The following CCNL2 variants were observed in gnomAD, a reference collection of about 807,000 sequenced individuals.
The protein encoded by CCNL2 is cyclin-L2.
CCNL2 carries 28 observed loss-of-function variants against 59.1 expected under a neutral mutation model. The ratio of observed to expected loss-of-function variants is 0.47; its 90% CI spans 0.35 to 0.65. The LOEUF (loss-of-function observed/expected upper bound fraction) is 0.65, where lower values mean the gene tolerates loss of function less well. Among genes scored for constraint, CCNL2 ranks in the 30% least tolerant of loss-of-function variants. The probability of loss-of-function intolerance (pLI) is 0.00; values close to 1 mark genes in which losing one functional copy is unlikely to be tolerated. For missense variants in CCNL2, 714 were observed against 717.4 expected (o/e 1.00, Z 0.05); for synonymous variants, 342 against 288.6 (o/e 1.19, Z -1.88).
chr1:1,387,535 C>T lies in CCNL2; in HGVS notation c.1259G>A (p.Arg420His). ...STSGGSKSQS[R>H]SRSRSDSPPR... is the part of the protein sequence containing the mutation. ...TGGGGAGTCACTCCTGCTCCGGGAG[C>T]GGCTCTGCGACTTGGACCCACCAGA... is the stretch of plus-strand genomic sequence containing the variant. Residue 420 changes from arginine to histidine, a missense_variant, in exon 11 of 11, where the codon CGC becomes CAC. By Grantham distance (29) the Arg-to-His change is conservative. Transcript: ENST00000400809. 2.6e-6 allele frequency: 4 copies of T among 1,541,664 alleles called. No homozygotes were observed. Among genetic ancestry groups the T allele is most frequent in the Non-Finnish European group, 2.6e-6 (3 of 1,147,392 alleles).
chr1:1,387,136 C>CCCGGGGGTCAAAGGGCAGCCA lies in CCNL2; in HGVS notation c.*74_*94dup. On this transcript the variant is annotated 3_prime_UTR_variant, in exon 11 of 11. Transcript: ENST00000400809. ...TAGGACCACTTGCGCTGAGAGCACACCCGGGGGTCAAAGGGCAGCCACCGG... is the reference window on the plus strand; with the variant it reads ...TAGGACCACTTGCGCTGAGAGCACACCCGGGGGTCAAAGGGCAGCCACCGGGGGTCAAAGGGCAGCCACCGG... The CCCGGGGGTCAAAGGGCAGCCA allele has an allele frequency of 2.1e-6, 2 of 957,786 alleles. No individual in the cohort carries two copies. The highest frequency in any genetic ancestry group is 3.2e-6 in the Non-Finnish European group (2 of 629,898). 59.3% of individuals were successfully genotyped at this position (957,786 alleles called of 1,614,324 possible). A position where few individuals can be genotyped will look rare whatever the true frequency, so the allele number is the denominator to read the frequency against.
rs1409149843 is a variant in CCNL2 at position 1,387,104 on chromosome 1, C to G, written c.*127G>C. On this transcript the variant is annotated 3_prime_UTR_variant, in exon 11 of 11. Transcript: ENST00000400809. ...GTCGACAGACATTTCCAAAAAGAATCCTGTTCTAGGACCACTTGCGCTGAG... is the reference window on the plus strand; with the variant it reads ...GTCGACAGACATTTCCAAAAAGAATGCTGTTCTAGGACCACTTGCGCTGAG... The G allele has an allele frequency of 4.4e-6, 3 of 679,494 alleles. No homozygotes were observed. The highest frequency in any genetic ancestry group is 4.9e-6 in the Non-Finnish European group (2 of 408,534). 42.1% of individuals were successfully genotyped at this position (679,494 alleles called of 1,614,324 possible). A position where few individuals can be genotyped will look rare whatever the true frequency, so the allele number is the denominator to read the frequency against.
chr1:1,387,901 A>C, intron 9 of CCNL2, 32 bp from the exon 10 acceptor site: 1 of 1,613,758 alleles, frequency 6.2e-7, no homozygotes, highest in Non-Finnish European at 8.5e-7. Flanking sequence ...GTTACAAAGC[A>C]GAAGTCCCTC....
intron 5 of CCNL2, chr1:1,392,758 T>C: frequency 6.2e-7 from 1 of 1,610,266 alleles, no homozygotes; most frequent in Non-Finnish European, 8.5e-7. Context: ...CCAAAGCGCT[T>C]GGACAGCAGA....
intron 4 of CCNL2, among the ~76,000 whole-genome samples, chr1:1,393,700 G>A (rs189640372): frequency 3.3e-4 from 50 of 152,360 alleles, no homozygotes; most frequent in African/African-American, 1.1e-3. Flanking sequence ...CACAGGCCTC[G>A]TTCTTCATGG....
Position 1,390,344 on chromosome 1 carries a change from C to T in CCNL2, c.892G>A (p.Val298Met). 1 of 1,613,954 alleles carries T rather than the reference C, an allele frequency of 6.2e-7. No homozygotes were observed. Residue 298 changes from valine (V) to methionine (M), a missense_variant, in exon 8 of 11, where the codon GTG (valine) becomes ATG (methionine). By Grantham distance (21) the Val-to-Met change is conservative. This residue lies in a region of CCNL2 where 403 missense variants were observed against 377.7 expected (regional missense o/e 1.07). Transcript: ENST00000400809. Reference protein sequence around the residue: ...KVDLTHLEGEVEKRKHAIEEA... With the variant: ...KVDLTHLEGEMEKRKHAIEEA... ...TCGATAGCGTGCTTTCTTTTTTCCA[C>T]TTCACCCTCCAGGTGTGTGAGATCA... is the stretch of plus-strand genomic sequence containing the variant.
Position 1,386,435 on chromosome 1 carries a change from C to G in CCNL2, c.*796G>C, listed in dbSNP as rs964814210. ...AGTGGGCGCACTGGCTGTGCACACG[C>G]CTGGACACTTTCACAAGCACACAGA... On this transcript the variant is annotated 3_prime_UTR_variant, in exon 11 of 11. Coordinates refer to ENST00000400809, the MANE Select transcript of CCNL2 (RefSeq NM_030937.6). The G allele has an allele frequency of 2.0e-5, 3 of 152,564 alleles. No individual in the cohort carries two copies. Among genetic ancestry groups the G allele is most frequent in the African/African-American group, 7.2e-5 (3 of 41,450 alleles). 9.5% of individuals were successfully genotyped at this position (152,564 alleles called of 1,614,324 possible).
intron 4 of CCNL2, among the ~76,000 whole-genome samples, chr1:1,394,722 C>T (rs181065662): frequency 2.1e-5 from 3 of 145,322 alleles, no homozygotes; most frequent in Non-Finnish European, 4.5e-5. Flanking sequence ...TGCACTCCAG[C>T]CTGCATGACA....
At position 1,392,657 on chromosome 1, in the gene CCNL2, C is replaced by T. The variant is rs1644820200; in HGVS notation, c.659+739G>A. On this transcript the variant is annotated intron_variant, in intron 5 of 10. Transcript: ENST00000400809. ...TCAGAGAACCACAGCAGGAGTCGGCCATGGCTATGCTATGTGCGTACCACC... is the reference window on the plus strand; with the variant it reads ...TCAGAGAACCACAGCAGGAGTCGGCTATGGCTATGCTATGTGCGTACCACC... The T allele has an allele frequency of 9.3e-6, 14 of 1,500,548 alleles. No individual in the cohort carries two copies. In the South Asian group the frequency reaches 1.7e-4, roughly 18 times the overall value. The allele number at this position is 1,500,548 out of a possible 1,614,324, so 93.0% of individuals were successfully genotyped here. A position where few individuals can be genotyped will look rare whatever the true frequency, so the allele number is the denominator to read the frequency against.
chr1:1,392,580 TAATC>T, intron 5 of CCNL2: 1 of 1,421,888 alleles, frequency 7.0e-7, no homozygotes, highest in Non-Finnish European at 9.1e-7. Flanking sequence ...TTACCAACTC[TAATC>T]AATACGATTA....
intron 1 of CCNL2, 67 bp from the exon 2 acceptor site, chr1:1,398,738 C>A (rs972485743): frequency 3.5e-6 from 5 of 1,447,578 alleles, no homozygotes; most frequent in Non-Finnish European, 4.9e-6. Context: ...CGAAAGTCAT[C>A]GAGTAACGTG....
chr1:1,388,588 T>C (rs1338478140), intron 8 of CCNL2: 2 of 430,174 alleles, frequency 4.6e-6, no homozygotes, highest in Admixed American at 2.6e-5. Flanking sequence ...TCTCTCTATA[T>C]ATATATATAC....
chr1:1,390,728 A>AG (rs746533386), intron 6 of CCNL2, 38 bp downstream of exon 6: 16 of 1,589,658 alleles, frequency 1.0e-5, no homozygotes, highest in Non-Finnish European at 8.6e-7. Flanking sequence ...AGAAAAAAAA[A>AG]TCAGACTAGA....
intron 2 of CCNL2, 104 bp from the exon 3 acceptor site, chr1:1,398,446 C>A (rs929492959): frequency 1.6e-5 from 25 of 1,572,946 alleles, no homozygotes; most frequent in African/African-American, 2.7e-5. Flanking sequence ...GAGGTGCACC[C>A]AGGGGAAAAA....
chr1:1,390,259 G>A lies in CCNL2; in HGVS notation c.977C>T (p.Thr326Ile). 1.2e-6 allele frequency: 2 copies of A among 1,613,014 alleles called. No homozygotes were observed. Among genetic ancestry groups the A allele is most frequent in the East Asian group, 2.2e-5 (1 of 44,810 alleles). The change falls in exon 8 of 11, where the codon ACC becomes ATC. Residue 326 changes from threonine (T) to isoleucine (I), a missense_variant. This residue lies in a region of CCNL2 where 403 missense variants were observed against 377.7 expected (regional missense o/e 1.07). Transcript: ENST00000400809. ...CTTGGGGGCAGGAGAGAACCCCGAG[G>A]TACCATCCAGCACCTGTGTGCCCCC... ...LPGGTQVLDG[T>I]SGFSPAPKLV...
chr1:1,392,511 C>A, intron 5 of CCNL2: 1 of 1,309,626 alleles, frequency 7.6e-7, no homozygotes, highest in Non-Finnish European at 9.7e-7. Flanking sequence ...GAGAAAGGTA[C>A]TGCATCTTTA....
In CCNL2 at chr1:1,390,453, A is replaced by C. The variant is rs1040518526; in HGVS notation, c.864+6T>G. The C allele has an allele frequency of 3.1e-6, 5 of 1,612,860 alleles. No homozygotes were observed. Among genetic ancestry groups the C allele is most frequent in the East Asian group, 4.5e-5 (2 of 44,892 alleles). On this transcript the variant is annotated splice_donor_region_variant and intron_variant, in intron 7 of 10. Transcript: ENST00000400809. ...GCATACGTTACATGAAAAAATGCCGAAGAACCTTTTTCCGAGCATAAAGCT... is the reference window on the plus strand; with the variant it reads ...GCATACGTTACATGAAAAAATGCCGCAGAACCTTTTTCCGAGCATAAAGCT...
intron 5 of CCNL2, chr1:1,391,666 C>T (rs1644769531): frequency 1.4e-6 from 1 of 693,370 alleles, no homozygotes; most frequent in Non-Finnish European, 2.2e-6. Context: ...CATTTCATCA[C>T]AGTACATTCT....
chr1:1,387,580 T>A lies in CCNL2; in HGVS notation c.1214A>T (p.Lys405Ile). 6.7e-7 allele frequency: 1 copy of A among 1,484,858 alleles called. No individual in the cohort carries two copies. Among genetic ancestry groups the A allele is most frequent in the Non-Finnish European group, 9.0e-7 (1 of 1,116,636 alleles). 92.0% of individuals were successfully genotyped at this position (1,484,858 alleles called of 1,614,324 possible). A position where few individuals can be genotyped will look rare whatever the true frequency, so the allele number is the denominator to read the frequency against. ...ACCAGATGTGGAGCCGCTGTCACTT[T>A]TCCTGGGAGGAAGAACAGCACCACC... ...PSRSASPKRR[K>I]SDSGSTSGGS... The change falls in exon 11 of 11, where the codon AAA (lysine) becomes ATA (isoleucine). Residue 405 changes from lysine (K) to isoleucine (I), a missense_variant and splice_region_variant. Lys to Ile is a moderately radical substitution (Grantham distance 102, BLOSUM62 -3). Around this residue, in one of 5 missense-constraint regions of CCNL2, gnomAD observed 403 missense variants for 377.7 expected, o/e 1.07. Transcript: ENST00000400809.
Sources: allele counts gnomAD v4.1 joint callset (sites outside exome capture counted in the v4.1 genomes callset), GRCh38; gene constraint gnomAD v4.1.1; regional missense constraint gnomAD v4.1.1; transcripts MANE v1.5; gene names NCBI Gene and HGNC (gene_info 2026-07-23, HGNC 2026-07-21).